DLG2: variants seen among roughly 807,000 people sequenced by gnomAD.
DLG2 encodes the protein disks large homolog 2.
Under a neutral mutation model 132.5 loss-of-function variants are expected in DLG2, and 45 were observed. The ratio of observed to expected loss-of-function variants is 0.34; its 90% CI spans 0.27 to 0.44. DLG2 has a LOEUF of 0.44. Among genes scored for constraint, DLG2 ranks in the 20% least tolerant of loss-of-function variants. DLG2 has a pLI of 1.00. For synonymous variants in DLG2, 424 were observed against 419.6 expected, an observed-to-expected ratio of 1.01 and a Z score of -0.13; for missense variants, 1,045 against 1,196.9, an observed-to-expected ratio of 0.87 and a Z score of 1.87.
At chr11:85,591,265 C>T (rs1275037876) in intron 3 of DLG2, among the ~76,000 whole-genome samples, 1 of 152,194 alleles carries the variant, frequency 6.6e-6, no homozygotes, top group Non-Finnish European at 1.5e-5. Context: ...ACTCTTGTTT[C>T]TCAACTCTTT....
intron 7 of DLG2, among the ~76,000 whole-genome samples, chr11:84,498,862 A>C (rs2154502027): frequency 6.6e-6 from 1 of 152,330 alleles, no homozygotes; most frequent in South Asian, 2.1e-4. Flanking sequence ...GTACAAGGTA[A>C]CAGAGAAAGT....
At position 83,755,137 on chromosome 11, in the gene DLG2, A is replaced by G. The variant is rs1288986044; in HGVS notation, c.1825+31553T>C. On this transcript the variant is annotated intron_variant, in intron 18 of 27. Coordinates refer to ENST00000376104, the MANE Select transcript of DLG2 (RefSeq NM_001142699.3). ...CCTTATTTCAAAGAAGATTGTGTAAATAAAATAATATTTTTTAAATGTAGG... is the reference window on the plus strand; with the variant it reads ...CCTTATTTCAAAGAAGATTGTGTAAGTAAAATAATATTTTTTAAATGTAGG... Among the ~76,000 whole-genome samples, 3 of 151,442 alleles carry G rather than the reference A, an allele frequency of 2.0e-5. No homozygotes were observed. The East Asian group carries it at 5.8e-4, about 29-fold the overall frequency.
At chr11:84,911,846 A>G (rs1289711917) in intron 6 of DLG2, among the ~76,000 whole-genome samples, 2 of 152,164 alleles carry the variant, frequency 1.3e-5, no homozygotes, top group Admixed American at 6.5e-5. Context: ...TTCCCAAGCA[A>G]TTTGGGGAGT....
intron 21 of DLG2, among the ~76,000 whole-genome samples, chr11:83,517,017 T>G (rs891691558): frequency 2.6e-5 from 4 of 152,212 alleles, no homozygotes; most frequent in Non-Finnish European, 5.9e-5. Context: ...GTTGCTCTTC[T>G]CAAGGAGTAT....
chr11:84,129,067 AGTTG>A (rs1310566713), intron 9 of DLG2, among the ~76,000 whole-genome samples: 1 of 152,126 alleles, frequency 6.6e-6, no homozygotes, highest in Non-Finnish European at 1.5e-5. Flanking sequence ...TCAGAGGAAA[AGTTG>A]TTTCAGGGAC....
At chr11:84,562,762 T>C (rs964838020) in intron 6 of DLG2, among the ~76,000 whole-genome samples, 7 of 151,576 alleles carry the variant, frequency 4.6e-5, no homozygotes, top group East Asian at 1.9e-4. Flanking sequence ...TTTTTTTTTT[T>C]CTTTTGAGAC....
intron 8 of DLG2, among the ~76,000 whole-genome samples, chr11:84,176,114 A>G (rs1596662332): frequency 6.6e-6 from 1 of 151,880 alleles, no homozygotes; most frequent in East Asian, 1.9e-4. Flanking sequence ...GCAAGCAATA[A>G]CCATCAGTTT....
chr11:83,797,294 T>C (rs1011324933), intron 17 of DLG2, among the ~76,000 whole-genome samples: 3 of 152,190 alleles, frequency 2.0e-5, no homozygotes, highest in Admixed American at 2.0e-4. Flanking sequence ...TAACACTTAA[T>C]ATGTGCCAGG....
intron 6 of DLG2, among the ~76,000 whole-genome samples, chr11:84,679,174 A>T (rs1241060280): frequency 1.3e-5 from 2 of 152,086 alleles, no homozygotes; most frequent in African/African-American, 4.8e-5. Context: ...AAAAAAAACA[A>T]TGTGGCTGTA....
intron 18 of DLG2, among the ~76,000 whole-genome samples, chr11:83,745,416 C>T (rs1404939636): frequency 6.6e-6 from 1 of 152,122 alleles, no homozygotes; most frequent in Non-Finnish European, 1.5e-5. Context: ...CAAGATTTTA[C>T]TCTCTCAATT....
intron 6 of DLG2, among the ~76,000 whole-genome samples, chr11:85,023,242 GCT>G (rs1480714391): frequency 4.6e-5 from 7 of 152,018 alleles, no homozygotes; most frequent in Admixed American, 3.3e-4. Flanking sequence ...TAACACTGGA[GCT>G]CTCAGATTTA....
At chr11:84,470,955 A>C (rs1383209818) in intron 7 of DLG2, among the ~76,000 whole-genome samples, 1 of 151,794 alleles carries the variant, frequency 6.6e-6, no homozygotes, top group Non-Finnish European at 1.5e-5. Flanking sequence ...CAGACAGGGA[A>C]ATCAGGACAG....
At chr11:83,627,239 G>T (rs1470126620) in intron 19 of DLG2, among the ~76,000 whole-genome samples, 1 of 149,442 alleles carries the variant, frequency 6.7e-6, no homozygotes, top group African/African-American at 2.5e-5. Flanking sequence ...TAACTTTTAG[G>T]GTACATGTGC....
Position 84,885,755 on chromosome 11 carries a change from A to G in DLG2, c.357+225906T>C, listed in dbSNP as rs925832407. 3.9e-5 allele frequency among the ~76,000 whole-genome samples: 6 copies of G among 152,088 alleles called. No homozygotes were observed. In the East Asian group the frequency reaches 1.2e-3, roughly 29 times the overall value. ...GCTATAAGCAATGAAAACCAGCACC[A>G]CCTTAACATTGACCCTTTTAGGATA... On this transcript the variant is annotated intron_variant, in intron 6 of 27. Transcript: ENST00000376104.
chr11:85,145,907 C>T (rs1196960459), intron 5 of DLG2, among the ~76,000 whole-genome samples: 4 of 151,978 alleles, frequency 2.6e-5, no homozygotes, highest in South Asian at 2.1e-4. Context: ...TTGTTAATAT[C>T]TGGGTATTTA....
At chr11:84,687,756 AT>A (rs1377893061) in intron 6 of DLG2, among the ~76,000 whole-genome samples, 1 of 152,202 alleles carries the variant, frequency 6.6e-6, no homozygotes, top group Non-Finnish European at 1.5e-5. Flanking sequence ...TATAGTTACC[AT>A]TAATTTTCTT....
chr11:84,170,646 A>T (rs1230012601), intron 8 of DLG2, among the ~76,000 whole-genome samples: 1 of 152,220 alleles, frequency 6.6e-6, no homozygotes, highest in Non-Finnish European at 1.5e-5. Context: ...CTATCAAAAC[A>T]GAGACAGCAA....
chr11:83,767,978 C>G (rs1042567422), intron 18 of DLG2, among the ~76,000 whole-genome samples: 8 of 152,186 alleles, frequency 5.3e-5, no homozygotes, highest in African/African-American at 1.9e-4. Flanking sequence ...CCTCAAACAT[C>G]TTTGCCTCTC....
intron 6 of DLG2, among the ~76,000 whole-genome samples, chr11:84,862,138 T>C (rs2083804212): frequency 6.6e-6 from 1 of 152,002 alleles, no homozygotes; most frequent in South Asian, 2.1e-4. Flanking sequence ...TATACACATG[T>C]AACTAACCTG....
Sources: gnomAD v4.1 joint callset for allele counts (sites outside exome capture counted in the v4.1 genomes callset) on GRCh38, gnomAD v4.1.1 for gene constraint, MANE v1.5 for transcripts, NCBI Gene and HGNC (gene_info 2026-07-23, HGNC 2026-07-21) for gene names.